The following CHIC2 variants were observed in gnomAD, a reference collection of about 807,000 sequenced individuals.
The protein encoded by CHIC2 is cysteine rich hydrophobic domain 2.
Under a neutral mutation model 25.9 loss-of-function variants are expected in CHIC2, and 14 were observed. The ratio of observed to expected loss-of-function variants is 0.54; its 90% CI spans 0.36 to 0.85. CHIC2 has a LOEUF of 0.85. Among genes scored for constraint, CHIC2 ranks in the 40% least tolerant of loss-of-function variants. The pLI is 0.01. For missense variants in CHIC2, 146 were observed against 202.0 expected (o/e 0.72, Z 1.68); for synonymous variants, 70 against 72.0 (o/e 0.97, Z 0.14).
intron 3 of CHIC2, among the ~76,000 whole-genome samples, chr4:54,043,826 G>A (rs1185914203): frequency 1.3e-5 from 2 of 152,110 alleles, no homozygotes; most frequent in African/African-American, 4.8e-5. Context: ...ATGTAAATGG[G>A]CTAAATGCTC....
intron 3 of CHIC2, among the ~76,000 whole-genome samples, chr4:54,031,909 A>G (rs1014395669): frequency 6.6e-6 from 1 of 151,946 alleles, no homozygotes; most frequent in Non-Finnish European, 1.5e-5. Context: ...AGTGAGCCAC[A>G]GTGCCCAGCC....
At chr4:54,016,011 C>G (rs774303058) in intron 3 of CHIC2, among the ~76,000 whole-genome samples, 1 of 152,178 alleles carries the variant, frequency 6.6e-6, no homozygotes, top group South Asian at 2.1e-4. Flanking sequence ...ATGGCAAAAC[C>G]GATTCAAAAC....
Position 54,010,030 on chromosome 4 carries a change from A to G in CHIC2, c.*65T>C. ...ACCAATGTTATGTCACCACCAGGAGAGCACCAAGCAAGGCACCATTGGAAA... is the reference window on the plus strand; with the variant it reads ...ACCAATGTTATGTCACCACCAGGAGGGCACCAAGCAAGGCACCATTGGAAA... On this transcript the variant is annotated 3_prime_UTR_variant, in exon 6 of 6. Coordinates refer to ENST00000263921, the MANE Select transcript of CHIC2 (RefSeq NM_012110.4). 1 of 1,066,532 alleles carries G rather than the reference A, an allele frequency of 9.4e-7. No individual in the cohort carries two copies. The highest frequency in any genetic ancestry group is 1.4e-6 in the Non-Finnish European group (1 of 698,050). The allele number at this position is 1,066,532 out of a possible 1,614,324, so 66.1% of individuals were successfully genotyped here. A position where few individuals can be genotyped will look rare whatever the true frequency, so the allele number is the denominator to read the frequency against.
chr4:54,044,998 C>T (rs572424420), intron 3 of CHIC2, among the ~76,000 whole-genome samples: 3 of 152,128 alleles, frequency 2.0e-5, no homozygotes, highest in East Asian at 3.9e-4. Context: ...ATACAAACTA[C>T]CATCAGAGAA....
intron 3 of CHIC2, among the ~76,000 whole-genome samples, chr4:54,024,281 C>G (rs1421695298): frequency 6.6e-6 from 1 of 152,188 alleles, no homozygotes; most frequent in Non-Finnish European, 1.5e-5. Flanking sequence ...CCTCTCATTT[C>G]CTTTCCATCG....
chr4:54,043,075 C>G (rs1371254556), intron 3 of CHIC2, among the ~76,000 whole-genome samples: 2 of 152,044 alleles, frequency 1.3e-5, no homozygotes, highest in South Asian at 2.1e-4. Context: ...CTTAGAGAGG[C>G]CAAGGAGGGC....
intron 1 of CHIC2, among the ~76,000 whole-genome samples, chr4:54,049,879 A>C (rs1473826712): frequency 1.3e-5 from 2 of 152,150 alleles, no homozygotes; most frequent in Non-Finnish European, 2.9e-5. Context: ...AGATGGTATG[A>C]AAGAAAATGT....
chr4:54,073,817 C>T, the CHIC2 span, among the ~76,000 whole-genome samples: 1,164 of 152,240 alleles, frequency 7.6e-3, 12 homozygotes, highest in African/African-American at 0.027. Context: ...TCATAAGAAA[C>T]AGTAGAAAGA....
intron 3 of CHIC2, among the ~76,000 whole-genome samples, chr4:54,028,533 T>G (rs1653017542): frequency 6.6e-6 from 1 of 152,232 alleles, no homozygotes; most frequent in South Asian, 2.1e-4. Flanking sequence ...ACTCCATCAC[T>G]GGTAAAGAGT....
chr4:54,013,895 A>G lies in CHIC2; in HGVS notation c.389T>C (p.Leu130Pro). The change falls in exon 5 of 6, where the codon CTG (leucine) becomes CCG (proline). Residue 130 changes from leucine to proline, a missense_variant and splice_region_variant. Leu to Pro is a moderately conservative substitution (Grantham distance 98). Coordinates refer to ENST00000263921, the MANE Select transcript of CHIC2 (RefSeq NM_012110.4). Reference protein sequence around the residue: ...EWENNRLYHKLCLHWRLSKRK... With the variant: ...EWENNRLYHKPCLHWRLSKRK... Reference sequence around the variant, plus strand: ...TTTGCTCAGTCTCCAATGCAAGCACAGCTAGACAAGTAGGAAAGTAAAAGA... The same window carrying G: ...TTTGCTCAGTCTCCAATGCAAGCACGGCTAGACAAGTAGGAAAGTAAAAGA... 1 of 1,613,342 alleles carries G rather than the reference A, an allele frequency of 6.2e-7. No individual in the cohort carries two copies. Among genetic ancestry groups the G allele is most frequent in the Non-Finnish European group, 8.5e-7 (1 of 1,179,446 alleles).
chr4:54,078,606 C>A, the CHIC2 span, among the ~76,000 whole-genome samples: 1 of 152,056 alleles, frequency 6.6e-6, no homozygotes, highest in Non-Finnish European at 1.5e-5. Flanking sequence ...ACCTCCGCCT[C>A]CTGGGTTCAA....
chr4:54,032,095 T>C (rs1716245257), intron 3 of CHIC2, among the ~76,000 whole-genome samples: 1 of 152,046 alleles, frequency 6.6e-6, no homozygotes, highest in Admixed American at 6.6e-5. Flanking sequence ...ATTTTAAATA[T>C]AAATAAAAGC....
chr4:54,012,640 CTCTA>C lies in CHIC2; in HGVS notation c.447+1193_447+1196del, dbSNP rs141192792. Among the ~76,000 whole-genome samples the C allele has an allele frequency of 5.2e-3, 792 of 152,080 alleles. 8 individuals carry two copies. The highest frequency in any genetic ancestry group is 0.017 in the African/African-American group (723 of 41,500). On this transcript the variant is annotated intron_variant, in intron 5 of 5. Coordinates refer to ENST00000263921, the MANE Select transcript of CHIC2 (RefSeq NM_012110.4). ...TCTCCCCAAAATATATACATAAACC[CTCTA>C]TCTAAGATGAAAATACAAGAGTAGT...
upstream of CHIC2, chr4:54,064,619 G>T: frequency 1.8e-6 from 2 of 1,118,298 alleles, no homozygotes; most frequent in South Asian, 6.4e-5. The surrounding 1 kb of genome is among the most constrained non-coding windows in gnomAD (Gnocchi z 4.2). Context: ...GCAACAGCCC[G>T]AGCCACCCGC....
rs1360679672 is a variant in CHIC2 at position 54,014,050 on chromosome 4, C to T, written c.387+13G>A. On this transcript the variant is annotated intron_variant, in intron 4 of 5. Coordinates refer to ENST00000263921, the MANE Select transcript of CHIC2 (RefSeq NM_012110.4). ...GACCCCAACAGTACGAAGCTGCTCC[C>T]TGTGGTACTCACCTTGTGGTATAAC... 27 of 1,612,856 alleles carry T rather than the reference C, an allele frequency of 1.7e-5. No homozygotes were observed. The highest frequency in any genetic ancestry group is 2.3e-5 in the Non-Finnish European group (27 of 1,179,254).
chr4:54,048,953 ACT>A lies in CHIC2; in HGVS notation c.330_330+1del. 6.6e-7 allele frequency: 1 copy of A among 1,525,340 alleles called. No homozygotes were observed. The allele number at this position is 1,525,340 out of a possible 1,614,324, so 94.5% of individuals were successfully genotyped here. On this transcript the variant is annotated splice_donor_variant and coding_sequence_variant, in exon 3 of 6. Coordinates refer to ENST00000263921, the MANE Select transcript of CHIC2 (RefSeq NM_012110.4). LOFTEE classifies it high-confidence loss of function. ...TAAATTAAAATATATAATTCAACTT[ACT>A]CTTTTACTGAGGCAAATAACTGGCC...
At chr4:54,012,089 A>G (rs1715612535) in intron 5 of CHIC2, among the ~76,000 whole-genome samples, 1 of 151,956 alleles carries the variant, frequency 6.6e-6, no homozygotes, top group Non-Finnish European at 1.5e-5. Flanking sequence ...AAGAAAATCC[A>G]GCAGAACACA....
At chr4:54,077,877 A>G in the CHIC2 span, among the ~76,000 whole-genome samples, 5 of 152,248 alleles carry the variant, frequency 3.3e-5, no homozygotes, top group Non-Finnish European at 5.9e-5. Context: ...CAGAGCAGCT[A>G]TCATTCACAA....
intron 3 of CHIC2, among the ~76,000 whole-genome samples, chr4:54,035,798 G>A (rs1716365918): frequency 6.6e-6 from 1 of 152,082 alleles, no homozygotes; most frequent in Admixed American, 6.5e-5. Context: ...GAAAACAGAG[G>A]TCATGGATTT....
Sources: allele counts gnomAD v4.1 joint callset (sites outside exome capture counted in the v4.1 genomes callset), GRCh38; gene constraint gnomAD v4.1.1; non-coding constraint Gnocchi (gnomAD v3.1); transcripts MANE v1.5; gene names NCBI Gene and HGNC (gene_info 2026-07-23, HGNC 2026-07-21).